The following NLGN4Y variants were observed in gnomAD, a reference collection of about 807,000 sequenced individuals.
The protein encoded by NLGN4Y is neuroligin-4, Y-linked.
In NLGN4Y, 4 loss-of-function variants were observed where a neutral mutation model predicts 8.4. The observed-to-expected ratio is 0.48, with a 90% confidence interval of 0.23 to 1.09. The LOEUF is 1.09. NLGN4Y is among the 50% of genes least tolerant of loss of function. NLGN4Y has a pLI of 0.19. For synonymous variants in NLGN4Y, 35 were observed against 75.6 expected (o/e 0.46, Z 2.78); for missense variants, 90 against 192.3 (o/e 0.47, Z 3.15).
intron 1 of NLGN4Y, among the ~76,000 whole-genome samples, chrY:14,538,041 A>C (rs2080138532): frequency 2.9e-5 from 1 of 34,372 alleles, no homozygotes; most frequent in Non-Finnish European, 7.3e-5. Flanking sequence ...TTACCTTGTT[A>C]GCCACTTTCA....
At chrY:14,833,669 CT>C (rs2043187483) in intron 6 of NLGN4Y, among the ~76,000 whole-genome samples, 6 of 33,667 alleles carry the variant, frequency 1.8e-4, no homozygotes, top group African/African-American at 6.9e-4. Flanking sequence ...TCCCTGACCC[CT>C]TGCACTTCCC....
chrY:14,768,123 A>T, intron 4 of NLGN4Y, among the ~76,000 whole-genome samples: 1 of 33,966 alleles, frequency 2.9e-5, no homozygotes. Context: ...GACACACAGG[A>T]TGAAATATAG....
chrY:14,650,917 C>T (rs2080627692), intron 2 of NLGN4Y, among the ~76,000 whole-genome samples: 1 of 32,458 alleles, frequency 3.1e-5, no homozygotes. Context: ...AGATTACCTA[C>T]TAGTATCTTC....
intron 4 of NLGN4Y, among the ~76,000 whole-genome samples, chrY:14,813,830 T>C: frequency 3.0e-5 from 1 of 33,647 alleles, no homozygotes; most frequent in East Asian, 7.7e-4. Flanking sequence ...TGATCTCTTT[T>C]GCATCTTTCT....
At chrY:14,776,361 TTTG>T (rs2081126091) in intron 4 of NLGN4Y, among the ~76,000 whole-genome samples, 1 of 30,605 alleles carries the variant, frequency 3.3e-5, no homozygotes, top group Non-Finnish European at 7.8e-5. Context: ...ATATAACATA[TTTG>T]TTTTATATTT....
chrY:14,735,657 C>T, intron 4 of NLGN4Y, among the ~76,000 whole-genome samples: 1 of 33,123 alleles, frequency 3.0e-5, no homozygotes. Context: ...GACTTTGGAA[C>T]TGGGTTAAAC....
chrY:14,595,965 C>T (rs2080395959), intron 1 of NLGN4Y, among the ~76,000 whole-genome samples: 1 of 32,813 alleles, frequency 3.0e-5, no homozygotes, highest in Non-Finnish European at 7.5e-5. Flanking sequence ...CCCTTACCAA[C>T]GCATCCTCAA....
intron 4 of NLGN4Y, among the ~76,000 whole-genome samples, chrY:14,778,416 G>A (rs2081135167): frequency 3.0e-5 from 1 of 33,734 alleles, no homozygotes; most frequent in Non-Finnish European, 7.3e-5. Flanking sequence ...ACATCTTAAA[G>A]GCTGCAGCCT....
At chrY:14,678,097 G>C (rs2080756003) in intron 2 of NLGN4Y, among the ~76,000 whole-genome samples, 3 of 33,300 alleles carry the variant, frequency 9.0e-5, no homozygotes, top group African/African-American at 3.5e-4. Context: ...TTTCTGGATT[G>C]ATACATCCAT....
At chrY:14,740,934 C>T (rs2081004346) in intron 4 of NLGN4Y, among the ~76,000 whole-genome samples, 1 of 32,379 alleles carries the variant, frequency 3.1e-5, no homozygotes, top group Non-Finnish European at 7.5e-5. Context: ...GATGGAGTCT[C>T]ACTGTGTTGT....
At chrY:14,758,028 G>A in intron 4 of NLGN4Y, among the ~76,000 whole-genome samples, 1 of 34,405 alleles carries the variant, frequency 2.9e-5, no homozygotes, top group African/African-American at 1.1e-4. Context: ...CTAGAAATTT[G>A]ATTTGATCTT....
At chrY:14,549,655 C>T in intron 1 of NLGN4Y, among the ~76,000 whole-genome samples, 1 of 33,374 alleles carries the variant, frequency 3.0e-5, no homozygotes, top group African/African-American at 1.2e-4. Flanking sequence ...GTTTCTTGCA[C>T]TTCTCTCCCA....
At chrY:14,652,972 C>T (rs764570924) in intron 2 of NLGN4Y, among the ~76,000 whole-genome samples, 2 of 32,681 alleles carry the variant, frequency 6.1e-5, no homozygotes, top group Non-Finnish European at 1.5e-4. Context: ...CAAACAAATA[C>T]ATATATGCAA....
chrY:14,689,045 C>T, intron 2 of NLGN4Y, among the ~76,000 whole-genome samples: 2 of 28,652 alleles, frequency 7.0e-5, no homozygotes, highest in Non-Finnish European at 1.6e-4. Flanking sequence ...ATTGTTTTAT[C>T]GCTTTTAAGG....
Position 14,723,148 on chromosome Y carries a change from T to C in NLGN4Y, c.564T>C (p.Val188=), listed in dbSNP as rs748839702. The change falls in exon 4 of 7, where the codon GTT becomes GTC. Residue 188 remains valine (V), a synonymous_variant. Transcript: ENST00000684976. ...ATGAACAGAACAGTAAGAAGCCTGT[T>C]ATGGTCTATATCCATGGGGGATCTT... ...DIHEQNSKKP[V]MVYIHGGSYM... 5.0e-6 allele frequency: 2 copies of C among 396,923 alleles called. No individual in the cohort carries two copies. Among genetic ancestry groups the C allele is most frequent in the South Asian group, 5.9e-5 (2 of 33,705 alleles).
chrY:14,572,508 G>A, intron 1 of NLGN4Y, among the ~76,000 whole-genome samples: 2 of 31,733 alleles, frequency 6.3e-5, no homozygotes, highest in Admixed American at 5.8e-4. Context: ...TGAGGATGAT[G>A]GCGTTTTCTA....
intron 2 of NLGN4Y, among the ~76,000 whole-genome samples, chrY:14,708,296 A>C: frequency 3.0e-5 from 1 of 33,317 alleles, no homozygotes; most frequent in Non-Finnish European, 7.4e-5. Context: ...AGCTGGTATG[A>C]CTGTGACTAT....
At chrY:14,663,735 G>C (rs771305817) in intron 2 of NLGN4Y, among the ~76,000 whole-genome samples, 2 of 32,287 alleles carry the variant, frequency 6.2e-5, no homozygotes, top group South Asian at 1.4e-3. Flanking sequence ...ACTTGAACCC[G>C]GGAGGCAGAG....
At chrY:14,700,730 A>G in intron 2 of NLGN4Y, among the ~76,000 whole-genome samples, 2 of 33,622 alleles carry the variant, frequency 5.9e-5, no homozygotes, top group Non-Finnish European at 1.5e-4. Context: ...TGCCTCATCT[A>G]TAAAGTTAGG....
Sources: gnomAD v4.1 joint callset for allele counts (sites outside exome capture counted in the v4.1 genomes callset) on GRCh38, gnomAD v4.1.1 for gene constraint, MANE v1.5 for transcripts, NCBI Gene and HGNC (gene_info 2026-07-23, HGNC 2026-07-21) for gene names.